The following LRP1B variants were observed in gnomAD, a reference collection of about 807,000 sequenced individuals.
The protein encoded by LRP1B is LDL receptor related protein 1B, also known as low-density lipoprotein receptor-related protein 1B.
In LRP1B, 217 loss-of-function variants were observed where a neutral mutation model predicts 556.6. The ratio of observed to expected loss-of-function variants is 0.39; its 90% CI spans 0.35 to 0.44. LRP1B has a LOEUF of 0.44. LRP1B is among the 20% of genes least tolerant of loss of function. The probability of loss-of-function intolerance (pLI) is 1.00; values close to 1 mark genes in which losing one functional copy is unlikely to be tolerated. For missense variants in LRP1B, 5,053 were observed against 5,620.8 expected (o/e 0.90, Z 3.23); for synonymous variants, 2,047 against 1,865.8 (o/e 1.10, Z -2.50).
At chr2:140,461,463 C>T (rs1262564061) in intron 60 of LRP1B, among the ~76,000 whole-genome samples, 1 of 152,012 alleles carries the variant, frequency 6.6e-6, no homozygotes, top group East Asian at 1.9e-4. Flanking sequence ...TCTTTATCTC[C>T]CCATATTTAC....
chr2:141,861,452 A>G (rs1311750932), intron 1 of LRP1B, among the ~76,000 whole-genome samples: 1 of 152,194 alleles, frequency 6.6e-6, no homozygotes, highest in Non-Finnish European at 1.5e-5. Context: ...CAAGCAACCA[A>G]GACTAGTGAC....
chr2:142,115,727 TA>T (rs756865386), intron 1 of LRP1B, among the ~76,000 whole-genome samples: 3 of 16,102 alleles, frequency 1.9e-4, no homozygotes, highest in Non-Finnish European at 4.1e-4. Flanking sequence ...AATATATATA[TA>T]ATATATATGT....
chr2:142,016,837 T>C (rs1176908468), intron 1 of LRP1B, among the ~76,000 whole-genome samples: 1 of 149,624 alleles, frequency 6.7e-6, no homozygotes, highest in East Asian at 1.9e-4. Context: ...TATATATTTA[T>C]ATGTATATAT....
intron 2 of LRP1B, among the ~76,000 whole-genome samples, chr2:141,646,641 G>C (rs1245392603): frequency 6.6e-6 from 1 of 151,940 alleles, no homozygotes; most frequent in Non-Finnish European, 1.5e-5. Context: ...GAAAACTCAT[G>C]GAAATGCAGG....
At chr2:141,988,253 A>C (rs1030938154) in intron 1 of LRP1B, among the ~76,000 whole-genome samples, 1 of 151,880 alleles carries the variant, frequency 6.6e-6, no homozygotes, top group Non-Finnish European at 1.5e-5. Flanking sequence ...GACCATATCT[A>C]AGAAGTTTTG....
At chr2:140,752,952 T>C (rs1191999726) in intron 35 of LRP1B, among the ~76,000 whole-genome samples, 1 of 152,190 alleles carries the variant, frequency 6.6e-6, no homozygotes, top group African/African-American at 2.4e-5. Flanking sequence ...TTTTGACAAA[T>C]GTATAATAAC....
intron 1 of LRP1B, among the ~76,000 whole-genome samples, chr2:141,873,871 A>C (rs1698670720): frequency 6.6e-6 from 1 of 151,928 alleles, no homozygotes. Context: ...CCAATGAAAA[A>C]GTACAAGTTT....
Position 141,183,570 on chromosome 2 carries a change from C to T in LRP1B, c.1013+4851G>A, listed in dbSNP as rs938142772. Among the ~76,000 whole-genome samples the T allele has an allele frequency of 4.6e-5, 7 of 152,038 alleles. No homozygotes were observed. The East Asian group carries it at 9.7e-4, about 21-fold the overall frequency. ...GCTCTTGTACAGAACAAAGACAACA[C>T]ACTTTTCCCTTATTATTGGCATGAG... is the stretch of plus-strand genomic sequence containing the variant. On this transcript the variant is annotated intron_variant, in intron 7 of 90. Transcript: ENST00000389484.
At position 141,815,304 on chromosome 2, in the gene LRP1B, T is replaced by C. The variant is rs151006867; in HGVS notation, c.83-4903A>G. On this transcript the variant is annotated intron_variant, in intron 1 of 90. Transcript: ENST00000389484. ...TTTCTCAAGGAACTGAGAAGCAGGA[T>C]TAGTTTTAGAAATTTGAAGAAGGTA... Among the ~76,000 whole-genome samples the C allele has an allele frequency of 3.7e-4, 57 of 152,284 alleles. 2 individuals carry two copies. The highest frequency in any genetic ancestry group is 1.3e-3 in the African/African-American group (53 of 41,582).
intron 2 of LRP1B, among the ~76,000 whole-genome samples, chr2:141,498,000 A>G (rs1460734182): frequency 6.6e-6 from 1 of 151,966 alleles, no homozygotes; most frequent in Non-Finnish European, 1.5e-5. Flanking sequence ...TAGTATCTAA[A>G]TATTGTGACT....
rs1687454261 is a variant in LRP1B, at chr2:140,722,674, G to C, written c.5759-5858C>G. Among the ~76,000 whole-genome samples the C allele has an allele frequency of 2.0e-5, 3 of 152,248 alleles. No homozygotes were observed. In the South Asian group the frequency reaches 6.2e-4, roughly 32 times the overall value. ...ATAAGCAATGACTTTAGAATGTAAA[G>C]CTTCCCTTTACTGTTTAATAATAAG... On this transcript the variant is annotated intron_variant, in intron 35 of 90. Transcript: ENST00000389484.
intron 1 of LRP1B, among the ~76,000 whole-genome samples, chr2:141,950,107 C>A (rs1701066919): frequency 6.6e-6 from 1 of 152,088 alleles, no homozygotes; most frequent in Non-Finnish European, 1.5e-5. Flanking sequence ...CATAATCTTT[C>A]AATTCGTCCA....
intron 2 of LRP1B, among the ~76,000 whole-genome samples, chr2:141,640,625 G>C (rs1159393576): frequency 1.3e-5 from 2 of 152,072 alleles, no homozygotes; most frequent in African/African-American, 4.8e-5. Flanking sequence ...GGCCAACATG[G>C]TGAAACCCAC....
chr2:141,291,409 T>G (rs947456521), intron 3 of LRP1B, among the ~76,000 whole-genome samples: 2 of 152,226 alleles, frequency 1.3e-5, no homozygotes, highest in African/African-American at 4.8e-5. Context: ...ATTATTTCAT[T>G]GCTTTAAAAT....
intron 3 of LRP1B, among the ~76,000 whole-genome samples, chr2:141,373,429 T>C (rs570512290): frequency 6.6e-4 from 100 of 152,266 alleles, no homozygotes; most frequent in African/African-American, 2.3e-3. Context: ...TCTAGTGCTA[T>C]GGGTAGGGTG....
chr2:141,494,698 C>G (rs1683454566), intron 2 of LRP1B, among the ~76,000 whole-genome samples: 1 of 150,148 alleles, frequency 6.7e-6, no homozygotes, highest in Non-Finnish European at 1.5e-5. Flanking sequence ...CCTCATAGAC[C>G]TCATCTACTG....
chr2:141,532,858 T>C (rs768473068), intron 2 of LRP1B, among the ~76,000 whole-genome samples: 10 of 152,058 alleles, frequency 6.6e-5, no homozygotes, highest in African/African-American at 2.2e-4. Context: ...TGGTGGTGCA[T>C]GCCGGTAATC....
At chr2:141,515,804 T>A (rs6429901) in intron 2 of LRP1B, among the ~76,000 whole-genome samples, 148,061 of 152,258 alleles carry the variant, frequency 0.97, 72,121 homozygotes, top group East Asian at 1. Context: ...ACTAAACAAA[T>A]TGTTAATGAG....
intron 1 of LRP1B, among the ~76,000 whole-genome samples, chr2:141,850,415 A>G (rs1046635085): frequency 6.6e-6 from 1 of 151,692 alleles, no homozygotes; most frequent in African/African-American, 2.4e-5. Flanking sequence ...TAGAATAATT[A>G]TAGAAACACC....
Sources: allele counts gnomAD v4.1 joint callset (sites outside exome capture counted in the v4.1 genomes callset), GRCh38; gene constraint gnomAD v4.1.1; transcripts MANE v1.5; gene names NCBI Gene and HGNC (gene_info 2026-07-23, HGNC 2026-07-21).